The following SCARF1 variants were observed in gnomAD, a reference collection of about 807,000 sequenced individuals.
SCARF1 encodes the protein scavenger receptor class F member 1.
Under a neutral mutation model 76.3 loss-of-function variants are expected in SCARF1, and 49 were observed. That is an observed-to-expected ratio of 0.64 (90% CI 0.51 to 0.81). The LOEUF (loss-of-function observed/expected upper bound fraction) is 0.81, where lower values mean the gene tolerates loss of function less well. Among genes scored for constraint, SCARF1 ranks in the 40% least tolerant of loss-of-function variants. The pLI is 0.00. For synonymous variants in SCARF1, 495 were observed against 474.6 expected (o/e 1.04, Z -0.56); for missense variants, 1,098 against 1,143.9 (o/e 0.96, Z 0.58).
In SCARF1 at chr17:1,636,966, G is replaced by A. The variant is rs1300946052; in HGVS notation, c.1461C>T (p.Ser487=). ...CTGTCACCCAGGGTAGCTTGTGGGA[G>A]CTGAGGGAACGGCAGGGCAGCGTGG... is the stretch of plus-strand genomic sequence containing the variant. ...LGSTLPCRSL[S]SHKLPWVTVS... Residue 487 remains serine (S), a synonymous_variant, in exon 9 of 11, where the codon AGC becomes AGT. Coordinates refer to ENST00000263071, the MANE Select transcript of SCARF1 (RefSeq NM_003693.4). 3 of 1,613,992 alleles carry A rather than the reference G, an allele frequency of 1.9e-6. No individual in the cohort carries two copies. Among genetic ancestry groups the A allele is most frequent in the Non-Finnish European group, 2.5e-6 (3 of 1,180,030 alleles).
In SCARF1 at chr17:1,635,121, G is replaced by A. The variant is rs1909424268; in HGVS notation, c.2130C>T (p.Arg710=). ...GSEGPVRSVF[R]HFGSFQKGQA... ...GGCCTTTCTGGAAGCTACCAAAATGGCGGAAGACAGAGCGGACAGGGCCTT... is the reference window on the plus strand; with the variant it reads ...GGCCTTTCTGGAAGCTACCAAAATGACGGAAGACAGAGCGGACAGGGCCTT... Residue 710 remains arginine (R), a synonymous_variant, in exon 11 of 11, where the codon CGC becomes CGT. Coordinates refer to ENST00000263071, the MANE Select transcript of SCARF1 (RefSeq NM_003693.4). 1 of 1,613,798 alleles carries A rather than the reference G, an allele frequency of 6.2e-7. No individual in the cohort carries two copies. The highest frequency in any genetic ancestry group is 8.5e-7 in the Non-Finnish European group (1 of 1,180,040).
At chr17:1,637,392 T>C (rs1909676877) in intron 8 of SCARF1, among the ~76,000 whole-genome samples, 1 of 152,032 alleles carries the variant, frequency 6.6e-6, no homozygotes, top group South Asian at 2.1e-4. Context: ...CTATCTATCA[T>C]CTATCTGAGC....
chr17:1,644,260 G>T lies in SCARF1; in HGVS notation c.266-293C>A, dbSNP rs1910336344. The T allele has an allele frequency of 2.8e-6, 1 of 361,616 alleles. No individual in the cohort carries two copies. The highest frequency in any genetic ancestry group is 4.6e-5 in the Admixed American group (1 of 21,898). The allele number at this position is 361,616 out of a possible 1,614,324, so 22.4% of individuals were successfully genotyped here. ...TGCCCAGAGCGTGGCACCGAGGTTG[G>T]TGGGCCTTCCTCCATGCCTGCTCCT... On this transcript the variant is annotated intron_variant, in intron 3 of 10. Transcript: ENST00000263071. This position sits in a 1 kb window ranked among gnomAD's most constrained non-coding sequence, Gnocchi z 4.8.
Position 1,643,670 on chromosome 17 carries a change from C to A in SCARF1, c.563G>T (p.Arg188Leu). ...ACVCKPGWWG[R>L]RCSFRCNCHG... ...GCAGTTGCAGCGGAAGCTGCAGCGG[C>A]GCCCCCACCAGCCCGGCTTGCACAC... The change falls in exon 4 of 11, where the codon CGC becomes CTC. Residue 188 changes from arginine (R) to leucine (L), a missense_variant. Arg to Leu is a moderately radical substitution (Grantham distance 102, BLOSUM62 -2). Transcript: ENST00000263071. 6.8e-7 allele frequency: 1 copy of A among 1,465,700 alleles called. No homozygotes were observed. Among genetic ancestry groups the A allele is most frequent in the Non-Finnish European group, 9.0e-7 (1 of 1,115,968 alleles). 90.8% of individuals were successfully genotyped at this position (1,465,700 alleles called of 1,614,324 possible).
In SCARF1 at chr17:1,643,912, C is replaced by T. The variant is rs563923236; in HGVS notation, c.321G>A (p.Pro107=). The T allele has an allele frequency of 5.2e-6, 7 of 1,341,420 alleles. No homozygotes were observed. The highest frequency in any genetic ancestry group is 3.1e-5 in the East Asian group (1 of 32,518). 83.1% of individuals were successfully genotyped at this position (1,341,420 alleles called of 1,614,324 possible). A position where few individuals can be genotyped will look rare whatever the true frequency, so the allele number is the denominator to read the frequency against. The part of the protein sequence containing the change: ...PDCRESCPCH[P]HGQCEPATGA... ...CCGTGGCTGGCTCGCACTGGCCGTG[C>T]GGGTGGCAGGGGCAGCTCTCACGGC... The change falls in exon 4 of 11, where the codon CCG becomes CCA. Residue 107 remains proline, a synonymous_variant. Coordinates refer to ENST00000263071, the MANE Select transcript of SCARF1 (RefSeq NM_003693.4).
chr17:1,636,155 C>A (rs1238119709), intron 10 of SCARF1, among the ~76,000 whole-genome samples: 1 of 152,198 alleles, frequency 6.6e-6, no homozygotes, highest in Non-Finnish European at 1.5e-5. Context: ...TGACCCCAGT[C>A]ACCCCAACAT....
chr17:1,640,088 C>T lies in SCARF1; in HGVS notation c.1011-48G>A, dbSNP rs749479214. 4 of 1,598,548 alleles carry T rather than the reference C, an allele frequency of 2.5e-6. No homozygotes were observed. The highest frequency in any genetic ancestry group is 1.7e-4 in the Middle Eastern group (1 of 5,722). Reference sequence around the variant, plus strand: ...GAAGGGGAGACCAAGGCAGGCCTGGCCCCCACTGTGGGGCCCCACCCCTCC... The same window carrying T: ...GAAGGGGAGACCAAGGCAGGCCTGGTCCCCACTGTGGGGCCCCACCCCTCC... On this transcript the variant is annotated intron_variant, in intron 5 of 10. Coordinates refer to ENST00000263071, the MANE Select transcript of SCARF1 (RefSeq NM_003693.4). This position sits in a 1 kb window ranked among gnomAD's most constrained non-coding sequence, Gnocchi z 4.7.
At chr17:1,638,963 C>T in intron 7 of SCARF1, 37 bp from the exon 8 acceptor site, 1 of 1,546,452 alleles carries the variant, frequency 6.5e-7, no homozygotes, top group Non-Finnish European at 8.8e-7. Flanking sequence ...TCAGGCCTTC[C>T]TGTCTCCTAC....
chr17:1,640,739 C>T lies in SCARF1; in HGVS notation c.792-73G>A. The T allele has an allele frequency of 7.0e-7, 1 of 1,427,912 alleles. No homozygotes were observed. Among genetic ancestry groups the T allele is most frequent in the African/African-American group, 1.4e-5 (1 of 70,772 alleles). 88.5% of individuals were successfully genotyped at this position (1,427,912 alleles called of 1,614,324 possible). A position where few individuals can be genotyped will look rare whatever the true frequency, so the allele number is the denominator to read the frequency against. ...GCGCCCACCCCCTCCTACCCCTGTA[C>T]TCCACGCAGGCCTTCGGGGGCCCTG... On this transcript the variant is annotated intron_variant, in intron 4 of 10. Transcript: ENST00000263071. The surrounding 1 kb of genome is among the most constrained non-coding windows in gnomAD (Gnocchi z 4.7).
chr17:1,643,397 CG>C (rs1397906310), intron 4 of SCARF1, 44 bp downstream of exon 4: 3 of 1,082,878 alleles, frequency 2.8e-6, no homozygotes, highest in African/African-American at 3.6e-5. Context: ...CACTTGTGTC[CG>C]CCCCCGCCCC....
Position 1,640,789 on chromosome 17 carries a change from T to C in SCARF1, c.792-123A>G. 2.3e-6 allele frequency: 2 copies of C among 863,030 alleles called. No individual in the cohort carries two copies. The highest frequency in any genetic ancestry group is 1.8e-6 in the Non-Finnish European group (1 of 543,486). The allele number at this position is 863,030 out of a possible 1,614,324, so 53.5% of individuals were successfully genotyped here. ...GGAGAGTGTTCGGGTCCCACCTGGG[T>C]CAGGCAGGTTTGAGCCTCAGTTTCC... is the stretch of plus-strand genomic sequence containing the variant. On this transcript the variant is annotated intron_variant, in intron 4 of 10. Coordinates refer to ENST00000263071, the MANE Select transcript of SCARF1 (RefSeq NM_003693.4). This position sits in a 1 kb window ranked among gnomAD's most constrained non-coding sequence, Gnocchi z 4.7.
In SCARF1 at chr17:1,634,535, G is replaced by A. The variant is rs1909352136; in HGVS notation, c.*223C>T. On this transcript the variant is annotated 3_prime_UTR_variant, in exon 11 of 11. Coordinates refer to ENST00000263071, the MANE Select transcript of SCARF1 (RefSeq NM_003693.4). ...CCAGGACAGCAGAGCAAAAGTCCCT[G>A]CAGGCAACCCTTCCTGACCCCATCC... is the stretch of plus-strand genomic sequence containing the variant. 2.1e-6 allele frequency: 1 copy of A among 472,780 alleles called. No homozygotes were observed. Among genetic ancestry groups the A allele is most frequent in the African/African-American group, 2.0e-5 (1 of 50,032 alleles). 29.3% of individuals were successfully genotyped at this position (472,780 alleles called of 1,614,324 possible).
Position 1,636,745 on chromosome 17 carries a change from C to G in SCARF1, c.1597G>C (p.Asp533His), listed in dbSNP as rs144386166. The G allele has an allele frequency of 6.2e-7, 1 of 1,614,136 alleles. No homozygotes were observed. Among genetic ancestry groups the G allele is most frequent in the East Asian group, 2.2e-5 (1 of 44,894 alleles). The change falls in exon 10 of 11, where the codon GAT becomes CAT. Residue 533 changes from aspartate (D) to histidine (H), a missense_variant. Transcript: ENST00000263071. The part of the protein sequence containing the change: ...FSSDPESGEA[D>H]EVPAYCVPPQ... ...GGCACACAGTAGGCAGGAACCTCAT[C>G]TGCCTCTCCAGACTCAGGATCGGAT... is the stretch of plus-strand genomic sequence containing the variant.
rs1909907928 is a variant in SCARF1, at chr17:1,640,045, G to C, written c.1011-5C>G. On this transcript the variant is annotated splice_region_variant and splice_polypyrimidine_tract_variant and intron_variant, in intron 5 of 10. Transcript: ENST00000263071. This position sits in a 1 kb window ranked among gnomAD's most constrained non-coding sequence, Gnocchi z 4.7. ...GTGGGGCAGGGGTCTTCACACCTGG[G>C]GTGAGGCAAGACTCGGGGAAGGGGA... 1.9e-6 allele frequency: 3 copies of C among 1,613,070 alleles called. No homozygotes were observed. The South Asian group carries it at 3.3e-5, about 18-fold the overall frequency.
At position 1,636,771 on chromosome 17, in the gene SCARF1, G is replaced by A. The variant is rs1567661752; in HGVS notation, c.1571C>T (p.Ser524Leu). ...SAGWATDDSFSSDPESGEADE... is the reference protein window; with the variant it reads ...SAGWATDDSFLSDPESGEADE... ...TGCCTCTCCAGACTCAGGATCGGAT[G>A]AGAAGGAGTCATCAGTGGCCCAGCC... The change falls in exon 10 of 11, where the codon TCA becomes TTA. Residue 524 changes from serine to leucine, a missense_variant. Physicochemically the swap from Ser to Leu is moderately radical, Grantham distance 145. Transcript: ENST00000263071. 1 of 1,614,128 alleles carries A rather than the reference G, an allele frequency of 6.2e-7. No individual in the cohort carries two copies. Among genetic ancestry groups the A allele is most frequent in the Admixed American group, 1.7e-5 (1 of 60,014 alleles).
Position 1,635,405 on chromosome 17 carries a change from G to A in SCARF1, c.1846C>T (p.Pro616Ser). Residue 616 changes from proline (P) to serine (S), a missense_variant, in exon 11 of 11, where the codon CCC becomes TCC. Coordinates refer to ENST00000263071, the MANE Select transcript of SCARF1 (RefSeq NM_003693.4). ...SGELSSPLRK[P>S]KRLSRGAQSG... ...TGCGCCCCCCGGGAGAGCCTCTTGG[G>A]CTTTCGGAGCGGGCTGGAGAGCTCC... The A allele has an allele frequency of 1.2e-6, 2 of 1,613,916 alleles. No homozygotes were observed. The highest frequency in any genetic ancestry group is 2.2e-5 in the East Asian group (1 of 44,882).
At chr17:1,642,072 C>T (rs1254973771) in intron 4 of SCARF1, among the ~76,000 whole-genome samples, 3 of 152,304 alleles carry the variant, frequency 2.0e-5, no homozygotes, top group Middle Eastern at 6.8e-3. Context: ...TTGAAAGCCA[C>T]TGAGCCCTAA....
At chr17:1,637,156 T>G in intron 8 of SCARF1, 94 bp from the exon 9 acceptor site, 3 of 1,234,442 alleles carry the variant, frequency 2.4e-6, no homozygotes, top group Non-Finnish European at 3.5e-6. Context: ...TGCCTCTACT[T>G]CAGTGGCTTC....
In SCARF1 at chr17:1,635,106, G is replaced by A. The variant is rs1909422922; in HGVS notation, c.2145C>T (p.Phe715=). The A allele has an allele frequency of 1.2e-6, 2 of 1,613,936 alleles. No homozygotes were observed. Among genetic ancestry groups the A allele is most frequent in the Non-Finnish European group, 1.7e-6 (2 of 1,180,034 alleles). ...CCTTGGCTTCCGCCTGGCCTTTCTG[G>A]AAGCTACCAAAATGGCGGAAGACAG... ...VRSVFRHFGS[F]QKGQAEAKVK... The change falls in exon 11 of 11, where the codon TTC becomes TTT. Residue 715 remains phenylalanine (F), a synonymous_variant. Coordinates refer to ENST00000263071, the MANE Select transcript of SCARF1 (RefSeq NM_003693.4).
Sources: allele counts gnomAD v4.1 joint callset (sites outside exome capture counted in the v4.1 genomes callset), GRCh38; gene constraint gnomAD v4.1.1; non-coding constraint Gnocchi (gnomAD v3.1); transcripts MANE v1.5; gene names NCBI Gene and HGNC (gene_info 2026-07-23, HGNC 2026-07-21).